Variants in SPTA1 observed in about 807,000 individuals in gnomAD.
The protein encoded by SPTA1 is spectrin alpha chain, erythrocytic 1.
Under a neutral mutation model 324.7 loss-of-function variants are expected in SPTA1, and 177 were observed. The ratio of observed to expected loss-of-function variants is 0.55; its 90% CI spans 0.48 to 0.62. SPTA1 has a LOEUF of 0.62. Among genes scored for constraint, SPTA1 ranks in the 20% least tolerant of loss-of-function variants. SPTA1 has a pLI of 0.00. For missense variants in SPTA1, 3,162 were observed against 2,883.6 expected (o/e 1.10, Z -2.21); for synonymous variants, 1,195 against 1,041.3 (o/e 1.15, Z -2.84).
intron 40 of SPTA1, among the ~76,000 whole-genome samples, chr1:158,627,244 A>T (rs1457665423): frequency 6.6e-6 from 1 of 152,184 alleles, no homozygotes; most frequent in South Asian, 2.1e-4. Context: ...AATGATTCTC[A>T]AATTTAAAAG....
At chr1:158,683,343 A>G (rs1337960110) in intron 3 of SPTA1, 28 bp downstream of exon 3, 3 of 1,612,590 alleles carry the variant, frequency 1.9e-6, no homozygotes, top group Non-Finnish European at 2.5e-6. Flanking sequence ...CAATAATTGG[A>G]AACTTCTTCA....
chr1:158,669,944 T>C (rs1443295607), intron 12 of SPTA1, among the ~76,000 whole-genome samples, 158 bp from the exon 13 acceptor site: 3 of 152,342 alleles, frequency 2.0e-5, no homozygotes, highest in African/African-American at 2.4e-5. Context: ...CTGTTATAAA[T>C]TGTATTTCAA....
Position 158,642,931 on chromosome 1 carries a change from A to C in SPTA1, c.4488T>G (p.Leu1496=). 1.2e-6 allele frequency: 2 copies of C among 1,613,770 alleles called. No individual in the cohort carries two copies. Among genetic ancestry groups the C allele is most frequent in the Non-Finnish European group, 1.7e-6 (2 of 1,179,814 alleles). Residue 1496 remains leucine, a synonymous_variant, in exon 32 of 52, where the codon CTT becomes CTG. Transcript: ENST00000643759. ...KAQLIDERTK[L]GDYANLKQFY... ...ATTGTTTTAGGTTGGCATAGTCTCC[A>C]AGCTTTGTCCGCTCATCAATCAGTT... is the stretch of plus-strand genomic sequence containing the variant.
chr1:158,625,254 C>T (rs188762331), intron 42 of SPTA1, among the ~76,000 whole-genome samples: 16 of 152,102 alleles, frequency 1.1e-4, no homozygotes, highest in Non-Finnish European at 1.9e-4. Flanking sequence ...AAAAAGTACA[C>T]TTTAAATCAA....
In SPTA1 at chr1:158,648,534, C is replaced by T; in HGVS notation, c.3689G>A (p.Arg1230Lys). 1 of 1,613,954 alleles carries T rather than the reference C, an allele frequency of 6.2e-7. No homozygotes were observed. The highest frequency in any genetic ancestry group is 8.5e-7 in the Non-Finnish European group (1 of 1,179,938). Reference sequence around the variant, plus strand: ...CTTATCTCCCAGGGGTACGAGGTCCCTTTCAAAGCCCTCATGCCGTCGCTG... The same window carrying T: ...CTTATCTCCCAGGGGTACGAGGTCCTTTTCAAAGCCCTCATGCCGTCGCTG... The part of the protein sequence containing the change: ...ALQRRHEGFE[R>K]DLVPLGDKVT... The change falls in exon 26 of 52, where the codon AGG becomes AAG. Residue 1230 changes from arginine to lysine, a missense_variant. Arg to Lys is a conservative substitution (Grantham distance 26). Coordinates refer to ENST00000643759, the MANE Select transcript of SPTA1 (RefSeq NM_003126.4).
intron 4 of SPTA1, among the ~76,000 whole-genome samples, chr1:158,681,009 A>T (rs1047681551): frequency 1.3e-5 from 2 of 152,198 alleles, no homozygotes; most frequent in Non-Finnish European, 2.9e-5. Context: ...AACATGAGGG[A>T]TAAATTCATC....
chr1:158,648,653 T>A lies in SPTA1; in HGVS notation c.3570A>T (p.Arg1190Ser), dbSNP rs748699014. The A allele has an allele frequency of 1.2e-6, 2 of 1,613,638 alleles. No individual in the cohort carries two copies. Among genetic ancestry groups the A allele is most frequent in the Non-Finnish European group, 1.7e-6 (2 of 1,179,840 alleles). The change falls in exon 26 of 52, where the codon AGA becomes AGT. Residue 1190 changes from arginine (R) to serine (S), a missense_variant and splice_region_variant. Transcript: ENST00000643759. Reference protein sequence around the residue: ...GSAHAVEVFHREADDTKEQIE... With the variant: ...GSAHAVEVFHSEADDTKEQIE... Reference sequence around the variant, plus strand: ...TCTGCTCCTTCGTGTCATCTGCTTCTCTGGTATACAAGAGAGTAGAGAGTT... The same window carrying A: ...TCTGCTCCTTCGTGTCATCTGCTTCACTGGTATACAAGAGAGTAGAGAGTT...
chr1:158,645,128 G>C (rs1651894932), intron 29 of SPTA1, 60 bp downstream of exon 29: 1 of 1,579,136 alleles, frequency 6.3e-7, no homozygotes, highest in Non-Finnish European at 8.7e-7. Flanking sequence ...ATGACCATAT[G>C]AAATTGCATA....
At chr1:158,656,706 T>C (rs1249360828) in intron 19 of SPTA1, 50 bp from the exon 20 acceptor site, 2 of 1,475,242 alleles carry the variant, frequency 1.4e-6, no homozygotes, top group Non-Finnish European at 1.9e-6. Context: ...AGGAACACTA[T>C]TATTTCAACT....
chr1:158,681,355 T>C (rs1412416885), intron 4 of SPTA1, among the ~76,000 whole-genome samples, 172 bp downstream of exon 4: 1 of 152,124 alleles, frequency 6.6e-6, no homozygotes, highest in Non-Finnish European at 1.5e-5. Flanking sequence ...TTCCATACAA[T>C]GTTGACCTCC....
chr1:158,652,359 TG>T (rs1224159378), intron 23 of SPTA1, 107 bp downstream of exon 23: 1 of 1,298,518 alleles, frequency 7.7e-7, no homozygotes, highest in Admixed American at 1.8e-5. Context: ...CCAATAGCTT[TG>T]GGGAGAATAT....
At chr1:158,686,049 A>T (rs1336610237) in intron 1 of SPTA1, among the ~76,000 whole-genome samples, 1 of 152,204 alleles carries the variant, frequency 6.6e-6, no homozygotes, top group Non-Finnish European at 1.5e-5. Flanking sequence ...CAGCAAAATC[A>T]CCATAGGGTT....
intron 29 of SPTA1, 27 bp downstream of exon 29, chr1:158,645,161 G>A (rs1189436332): frequency 3.1e-6 from 5 of 1,612,840 alleles, no homozygotes; most frequent in South Asian, 1.1e-5. Flanking sequence ...TACTGAACCT[G>A]CTTAACAATT....
At chr1:158,654,419 TA>T (rs1652679393) in intron 21 of SPTA1, among the ~76,000 whole-genome samples, 191 bp downstream of exon 21, 1 of 152,200 alleles carries the variant, frequency 6.6e-6, no homozygotes, top group African/African-American at 2.4e-5. Context: ...ATTGGGATTA[TA>T]ATTCCAAAAG....
At chr1:158,650,753 G>A (rs1388843528) in intron 24 of SPTA1, among the ~76,000 whole-genome samples, 1 of 152,186 alleles carries the variant, frequency 6.6e-6, no homozygotes, top group Non-Finnish European at 1.5e-5. Flanking sequence ...CAGTTCAAAT[G>A]TATATATTCC....
rs1001250517 is a variant in SPTA1 at position 158,614,081 on chromosome 1, A to AT, written c.6842+171dup. 2.0e-5 allele frequency among the ~76,000 whole-genome samples: 3 copies of AT among 152,176 alleles called. No homozygotes were observed. In the South Asian group the frequency reaches 6.2e-4, roughly 32 times the overall value. ...TAAAACATTGAGAATGAAGAAATGT[A>AT]TTTTTTGAAGTCTGAAAATCTCACA... On this transcript the variant is annotated intron_variant, in intron 49 of 51. Transcript: ENST00000643759.
intron 35 of SPTA1, among the ~76,000 whole-genome samples, chr1:158,638,880 G>T (rs1651310930): frequency 6.6e-6 from 1 of 151,570 alleles, no homozygotes. Flanking sequence ...CAGATTGATT[G>T]ATTCAATATT....
At chr1:158,643,689 G>A (rs1418822456) in intron 30 of SPTA1, among the ~76,000 whole-genome samples, 1 of 152,144 alleles carries the variant, frequency 6.6e-6, no homozygotes, top group Non-Finnish European at 1.5e-5. Context: ...CCTTTATTGA[G>A]TGAGATGATG....
intron 27 of SPTA1, among the ~76,000 whole-genome samples, chr1:158,646,453 C>A (rs1184599150): frequency 6.6e-6 from 1 of 152,058 alleles, no homozygotes; most frequent in African/African-American, 2.4e-5. Flanking sequence ...GGAACTCATA[C>A]TTTAGGTTAA....
Sources: gnomAD v4.1 joint callset for allele counts (sites outside exome capture counted in the v4.1 genomes callset) on GRCh38, gnomAD v4.1.1 for gene constraint, MANE v1.5 for transcripts, NCBI Gene and HGNC (gene_info 2026-07-23, HGNC 2026-07-21) for gene names.